SMYD3: variants seen among roughly 807,000 people sequenced by gnomAD.
SMYD3 encodes histone-lysine N-methyltransferase SMYD3.
A neutral mutation model predicts 57.7 loss-of-function variants in SMYD3; 36 were observed. The observed-to-expected ratio is 0.62, with a 90% CI of 0.48 to 0.82. The LOEUF (loss-of-function observed/expected upper bound fraction) is 0.82, where lower values mean the gene tolerates loss of function less well. SMYD3 is among the 40% of genes least tolerant of loss of function. The pLI is 0.00. For synonymous variants in SMYD3, 211 were observed against 195.0 expected (o/e 1.08, Z -0.68); for missense variants, 515 against 538.8 (o/e 0.96, Z 0.44).
intron 5 of SMYD3, chr1:246,052,974 C>G (rs563101302): frequency 6.6e-6 from 1 of 152,278 alleles, no homozygotes; most frequent in African/African-American, 2.4e-5. Flanking sequence ...CAGTGGCTCA[C>G]GCCTATAATC....
chr1:246,299,099 A>G (rs552544134), intron 5 of SMYD3, among the ~76,000 whole-genome samples: 5 of 152,266 alleles, frequency 3.3e-5, no homozygotes, highest in Admixed American at 3.3e-4. Context: ...ATTTCTACTA[A>G]TTTATCCTAT....
intron 2 of SMYD3, among the ~76,000 whole-genome samples, chr1:246,352,704 A>G (rs2065850680): frequency 6.6e-6 from 1 of 152,180 alleles, no homozygotes; most frequent in Admixed American, 6.5e-5. Flanking sequence ...CACATGCACT[A>G]CAGGTAATCA....
Position 246,186,704 on chromosome 1 carries a change from C to G in SMYD3, c.531+140497G>C, listed in dbSNP as rs112046598. ...GTGAGAGTCTGGCACTGTCAATGTC[C>G]ACAGCACTTCTCTCAAAATGATCCC... On this transcript the variant is annotated intron_variant, in intron 5 of 11. Coordinates refer to ENST00000490107, the MANE Select transcript of SMYD3 (RefSeq NM_001167740.2). The G allele has an allele frequency of 3.9e-4, 382 of 971,136 alleles. 2 individuals carry two copies. The African/African-American group carries it at 6.0e-3, about 15-fold the overall frequency. The allele number at this position is 971,136 out of a possible 1,614,324, so 60.2% of individuals were successfully genotyped here.
chr1:246,142,285 T>C (rs963235169), intron 5 of SMYD3, among the ~76,000 whole-genome samples: 5 of 152,210 alleles, frequency 3.3e-5, no homozygotes, highest in Admixed American at 2.6e-4. Context: ...ACAATTATAA[T>C]AATATACTAT....
intron 1 of SMYD3, among the ~76,000 whole-genome samples, chr1:246,488,828 T>C (rs1408030243): frequency 1.3e-5 from 2 of 152,194 alleles, no homozygotes; most frequent in African/African-American, 2.4e-5. Flanking sequence ...AGAAGACAGA[T>C]TGCAAAAGGA....
intron 5 of SMYD3, chr1:246,025,867 C>T (rs1471036335): frequency 6.6e-6 from 1 of 152,392 alleles, no homozygotes; most frequent in Admixed American, 6.5e-5. Context: ...CACAGTGGCT[C>T]ATGCCTGTAA....
At chr1:245,881,730 C>T (rs1325413901) in intron 8 of SMYD3, among the ~76,000 whole-genome samples, 1 of 152,130 alleles carries the variant, frequency 6.6e-6, no homozygotes, top group African/African-American at 2.4e-5. Flanking sequence ...AAAGGCATTG[C>T]AGAAAATAAT....
chr1:246,497,435 G>C (rs375096976), intron 1 of SMYD3, among the ~76,000 whole-genome samples: 151 of 152,320 alleles, frequency 9.9e-4, no homozygotes, highest in African/African-American at 3.5e-3. Context: ...CAGTGTTTTA[G>C]TGGCTAAAAA....
rs139259424 is a variant in SMYD3, at chr1:245,830,337, C to T, written c.1076+28159G>A. Among the ~76,000 whole-genome samples the T allele has an allele frequency of 8.0e-3, 1,218 of 152,252 alleles. 6 individuals carry two copies. The highest frequency in any genetic ancestry group is 0.015 in the African/African-American group (640 of 41,546). On this transcript the variant is annotated intron_variant, in intron 10 of 11. Coordinates refer to ENST00000490107, the MANE Select transcript of SMYD3 (RefSeq NM_001167740.2). ...AGAAGCAAAGGCACGTCCTACATGGCGGCAGGCAAGGGAGCTTGTTGAGGT... is the reference window on the plus strand; with the variant it reads ...AGAAGCAAAGGCACGTCCTACATGGTGGCAGGCAAGGGAGCTTGTTGAGGT...
chr1:245,941,882 T>G (rs2057258051), intron 5 of SMYD3, among the ~76,000 whole-genome samples: 1 of 152,184 alleles, frequency 6.6e-6, no homozygotes, highest in Admixed American at 6.5e-5. Flanking sequence ...CATACTAGGC[T>G]TTATAAGTGA....
chr1:246,102,786 G>A (rs765423073), intron 5 of SMYD3, among the ~76,000 whole-genome samples: 3 of 151,922 alleles, frequency 2.0e-5, no homozygotes, highest in East Asian at 3.9e-4. Flanking sequence ...TACCTACTCC[G>A]GAGGCTGAGG....
intron 1 of SMYD3, among the ~76,000 whole-genome samples, chr1:246,404,048 C>T (rs1457575452): frequency 9.9e-5 from 15 of 152,154 alleles, no homozygotes; most frequent in Admixed American, 9.8e-4. Flanking sequence ...TGCTCTAAGG[C>T]CGCTAACCTT....
intron 2 of SMYD3, among the ~76,000 whole-genome samples, chr1:246,353,215 C>T (rs1161141971): frequency 6.6e-6 from 1 of 152,010 alleles, no homozygotes; most frequent in African/African-American, 2.4e-5. Context: ...TTGAAATTTC[C>T]TATCCTATTT....
At chr1:246,199,655 C>T (rs2062878933) in intron 5 of SMYD3, among the ~76,000 whole-genome samples, 1 of 152,322 alleles carries the variant, frequency 6.6e-6, no homozygotes, top group East Asian at 1.9e-4. Flanking sequence ...GAAGAGCACA[C>T]CTGATTCGCT....
chr1:245,993,142 T>C (rs2058842926), intron 5 of SMYD3, among the ~76,000 whole-genome samples: 1 of 152,226 alleles, frequency 6.6e-6, no homozygotes, highest in African/African-American at 2.4e-5. Context: ...AGATACTGTT[T>C]GAAGCGTTAC....
intron 5 of SMYD3, among the ~76,000 whole-genome samples, chr1:246,085,179 G>A (rs2060702447): frequency 6.6e-6 from 1 of 152,100 alleles, no homozygotes; most frequent in Non-Finnish European, 1.5e-5. Context: ...TTTCCAGTGT[G>A]ATTTATGTGT....
intron 10 of SMYD3, among the ~76,000 whole-genome samples, chr1:245,833,073 A>AAAAACAAAAAAAAAAAAAAAACACAAC: frequency 7.8e-6 from 1 of 128,652 alleles, no homozygotes; most frequent in Non-Finnish European, 1.6e-5. Context: ...AAAAAAAAAA[A>AAAAACAAAAAAAAAAAAAAAACACAAC]AACCTGCTTT....
At chr1:245,874,881 GT>G (rs769552305) in intron 8 of SMYD3, among the ~76,000 whole-genome samples, 19 of 152,222 alleles carry the variant, frequency 1.2e-4, no homozygotes, top group Non-Finnish European at 2.1e-4. Flanking sequence ...TGGCCTAAAG[GT>G]CTGGTGAGGA....
intron 5 of SMYD3, among the ~76,000 whole-genome samples, chr1:246,258,364 C>T (rs1390403523): frequency 2.0e-5 from 3 of 152,142 alleles, no homozygotes; most frequent in Non-Finnish European, 2.9e-5. Flanking sequence ...AATGCAAGAG[C>T]ACACTAATAC....
Sources: gnomAD v4.1 joint callset for allele counts (sites outside exome capture counted in the v4.1 genomes callset) on GRCh38, gnomAD v4.1.1 for gene constraint, MANE v1.5 for transcripts, NCBI Gene and HGNC (gene_info 2026-07-23, HGNC 2026-07-21) for gene names.